The following ZNF622 variants were observed in gnomAD, a reference collection of about 807,000 sequenced individuals.
The protein encoded by ZNF622 is cytoplasmic 60S subunit biogenesis factor ZNF622.
A neutral mutation model predicts 49.7 loss-of-function variants in ZNF622; 34 were observed. The ratio of observed to expected loss-of-function variants is 0.68; its 90% CI spans 0.52 to 0.91. ZNF622 has a LOEUF of 0.91. Among genes scored for constraint, ZNF622 ranks in the 40% least tolerant of loss-of-function variants. The probability of loss-of-function intolerance (pLI) is 0.00; values close to 1 mark genes in which losing one functional copy is unlikely to be tolerated. For missense variants in ZNF622, 569 were observed against 616.4 expected, an observed-to-expected ratio of 0.92 and a Z score of 0.81; for synonymous variants, 209 against 228.7, an observed-to-expected ratio of 0.91 and a Z score of 0.78.
rs897364921 is a variant in ZNF622, at chr5:16,465,661, G to A, written c.5C>T (p.Ala2Val). The change falls in exon 1 of 6, where the codon GCG becomes GTG. Residue 2 changes from alanine (A) to valine (V), a missense_variant. Transcript: ENST00000308683. This position sits in a 1 kb window ranked among gnomAD's most constrained non-coding sequence, Gnocchi z 6.2. M[A>V]TYTCITCRVA... is the part of the protein sequence containing the mutation. ...CCGGCAAGTTATGCAGGTGTACGTC[G>A]CCATTGCCAGGCGAGAAATAAGAAC... 1.9e-6 allele frequency: 3 copies of A among 1,562,748 alleles called. No homozygotes were observed. Among genetic ancestry groups the A allele is most frequent in the South Asian group, 1.2e-5 (1 of 82,910 alleles).
Position 16,451,550 on chromosome 5 carries a change from C to G in ZNF622, c.*107G>C. ...TCTAACTTTTATTATTAGGTCAGAA[C>G]GAATGAAGTAGCAGCAAAAGGGTCT... is the stretch of plus-strand genomic sequence containing the variant. On this transcript the variant is annotated 3_prime_UTR_variant, in exon 6 of 6. Transcript: ENST00000308683. The G allele has an allele frequency of 7.0e-7, 1 of 1,430,106 alleles. No individual in the cohort carries two copies. The highest frequency in any genetic ancestry group is 9.4e-7 in the Non-Finnish European group (1 of 1,062,690). 88.6% of individuals were successfully genotyped at this position (1,430,106 alleles called of 1,614,324 possible). A position where few individuals can be genotyped will look rare whatever the true frequency, so the allele number is the denominator to read the frequency against.
chr5:16,456,973 T>TAGCCAA (rs1738036423), intron 4 of ZNF622, among the ~76,000 whole-genome samples: 1 of 152,168 alleles, frequency 6.6e-6, no homozygotes, highest in Non-Finnish European at 1.5e-5. Context: ...TTTCTAAGGC[T>TAGCCAA]AGCCAAAGCC....
intron 3 of ZNF622, 65 bp from the exon 4 acceptor site, chr5:16,458,694 T>G: frequency 2.4e-6 from 3 of 1,234,858 alleles, no homozygotes; most frequent in Non-Finnish European, 3.4e-6. Flanking sequence ...AGACATAAAC[T>G]CATTTGCAAA....
In ZNF622 at chr5:16,463,208, A is replaced by G. The variant is rs369918986; in HGVS notation, c.949T>C (p.Ser317Pro). The G allele has an allele frequency of 6.2e-7, 1 of 1,613,572 alleles. No homozygotes were observed. Among genetic ancestry groups the G allele is most frequent in the African/African-American group, 1.3e-5 (1 of 74,914 alleles). The change falls in exon 3 of 6, where the codon TCC (serine) becomes CCC (proline). Residue 317 changes from serine to proline, a missense_variant. Coordinates refer to ENST00000308683, the MANE Select transcript of ZNF622 (RefSeq NM_033414.3). This position sits in a 1 kb window ranked among gnomAD's most constrained non-coding sequence, Gnocchi z 4.2. ...ATATGTGCCTGTACAGCTTCTGTGG[A>G]GTAGAAGGACTTCCCTTTCTCGTTG... Reference protein sequence around the residue: ...WCNEKGKSFYSTEAVQAHMND... With the variant: ...WCNEKGKSFYPTEAVQAHMND...
Position 16,458,618 on chromosome 5 carries a change from G to C in ZNF622, c.1061C>G (p.Pro354Arg). ...ADFYDFRSSY[P>R]DHKEGEDPNK... ...GGGGTCCTCCCCTTCCTTGTGATCTGGATAGCTACTCCTATAACAGAGAAA... is the reference window on the plus strand; with the variant it reads ...GGGGTCCTCCCCTTCCTTGTGATCTCGATAGCTACTCCTATAACAGAGAAA... Residue 354 changes from proline to arginine, a missense_variant, in exon 4 of 6, where the codon CCA becomes CGA. Physicochemically the swap from Pro to Arg is moderately radical, Grantham distance 103. Coordinates refer to ENST00000308683, the MANE Select transcript of ZNF622 (RefSeq NM_033414.3). The C allele has an allele frequency of 6.2e-7, 1 of 1,610,636 alleles. No homozygotes were observed. Among genetic ancestry groups the C allele is most frequent in the South Asian group, 1.1e-5 (1 of 90,852 alleles).
At chr5:16,451,836 C>A (rs1382268568) in intron 5 of ZNF622, 52 bp from the exon 6 acceptor site, 2 of 1,576,662 alleles carry the variant, frequency 1.3e-6, no homozygotes, top group South Asian at 1.2e-5. Flanking sequence ...TATTTGTGAT[C>A]AGAGAAAATC....
intron 4 of ZNF622, among the ~76,000 whole-genome samples, chr5:16,458,059 T>G (rs1052959214): frequency 2.0e-5 from 3 of 152,110 alleles, no homozygotes; most frequent in African/African-American, 7.2e-5. Context: ...TTCTTCATCT[T>G]TTCATACCTC....
intron 4 of ZNF622, among the ~76,000 whole-genome samples, chr5:16,458,307 G>C (rs1738066306): frequency 6.9e-6 from 1 of 144,672 alleles, no homozygotes; most frequent in South Asian, 2.2e-4. Flanking sequence ...TCATAACCCA[G>C]AAATGAACAG....
intron 5 of ZNF622, among the ~76,000 whole-genome samples, chr5:16,452,789 G>A (rs73042324): frequency 0.014 from 2,193 of 152,216 alleles, 59 homozygotes; most frequent in African/African-American, 0.05. Flanking sequence ...AAAAGTTAAT[G>A]GTATATAAAA....
At chr5:16,455,922 T>C (rs1738017424) in intron 4 of ZNF622, among the ~76,000 whole-genome samples, 1 of 152,126 alleles carries the variant, frequency 6.6e-6, no homozygotes, top group Non-Finnish European at 1.5e-5. Context: ...CCACGTATGA[T>C]GGGCTAAGGA....
At chr5:16,455,538 T>G (rs565516401) in intron 4 of ZNF622, among the ~76,000 whole-genome samples, 1 of 152,218 alleles carries the variant, frequency 6.6e-6, no homozygotes. Flanking sequence ...TTTGACAGCA[T>G]AAGAGTTAAC....
At chr5:16,457,709 G>A (rs902005495) in intron 4 of ZNF622, among the ~76,000 whole-genome samples, 8 of 152,240 alleles carry the variant, frequency 5.3e-5, no homozygotes, top group Middle Eastern at 3.4e-3. Flanking sequence ...TGCCTGCACC[G>A]TTACTGCAAA....
At chr5:16,452,915 G>T in intron 5 of ZNF622, 98 bp downstream of exon 5, 3 of 1,255,430 alleles carry the variant, frequency 2.4e-6, no homozygotes, top group Non-Finnish European at 3.1e-6. Context: ...CCCCTAGAGA[G>T]AATCCACATG....
intron 3 of ZNF622, among the ~76,000 whole-genome samples, chr5:16,459,295 G>A (rs545087712): frequency 6.6e-6 from 1 of 152,102 alleles, no homozygotes; most frequent in Non-Finnish European, 1.5e-5. Flanking sequence ...TAAGAAAATA[G>A]ACAAAATGCT....
At chr5:16,458,734 G>T (rs1336785273) in intron 3 of ZNF622, 105 bp from the exon 4 acceptor site, 1 of 710,040 alleles carries the variant, frequency 1.4e-6, no homozygotes, top group Non-Finnish European at 2.3e-6. Flanking sequence ...TACCTAAAAG[G>T]GAGAGGGGAG....
chr5:16,463,556 A>T lies in ZNF622; in HGVS notation c.812T>A (p.Met271Lys), dbSNP rs1738157440. 6.2e-7 allele frequency: 1 copy of T among 1,614,250 alleles called. No homozygotes were observed. The highest frequency in any genetic ancestry group is 8.5e-7 in the Non-Finnish European group (1 of 1,180,048). The change falls in exon 2 of 6, where the codon ATG becomes AAG. Residue 271 changes from methionine to lysine, a missense_variant. Met to Lys is a moderately conservative substitution (Grantham distance 95). Coordinates refer to ENST00000308683, the MANE Select transcript of ZNF622 (RefSeq NM_033414.3). The surrounding 1 kb of genome is among the most constrained non-coding windows in gnomAD (Gnocchi z 4.2). ...AATAAAGAAACTGTGGTCTTTGGTC[A>T]TGTGAGCCACATTCTTCATCAGCGA... ...SSSLMKNVAH[M>K]TKDHSFFIPD...
At chr5:16,458,402 CAT>C (rs1437808302) in intron 4 of ZNF622, 113 bp downstream of exon 4, 3 of 738,338 alleles carry the variant, frequency 4.1e-6, no homozygotes, top group Non-Finnish European at 6.6e-6. Flanking sequence ...AGAACCCAAA[CAT>C]ATACTTTAAG....
intron 4 of ZNF622, among the ~76,000 whole-genome samples, chr5:16,457,951 A>C (rs1738056346): frequency 6.6e-6 from 1 of 152,130 alleles, no homozygotes; most frequent in African/African-American, 2.4e-5. Flanking sequence ...TCATTTCTCA[A>C]ACATGTCTTC....
intron 4 of ZNF622, among the ~76,000 whole-genome samples, chr5:16,454,157 A>G (rs1000254191): frequency 1.3e-5 from 2 of 152,190 alleles, no homozygotes; most frequent in Admixed American, 1.3e-4. Context: ...CAGAGTGAGA[A>G]AAAAGAAAAT....
Sources: gnomAD v4.1 joint callset for allele counts (sites outside exome capture counted in the v4.1 genomes callset) on GRCh38, gnomAD v4.1.1 for gene constraint, Gnocchi (gnomAD v3.1) non-coding constraint, MANE v1.5 for transcripts, NCBI Gene and HGNC (gene_info 2026-07-23, HGNC 2026-07-21) for gene names.